Variants in TLK1 observed in about 807,000 individuals in gnomAD.
TLK1 encodes tousled like kinase 1, also known as serine/threonine-protein kinase tousled-like 1.
Under a neutral mutation model 105.3 loss-of-function variants are expected in TLK1, and 24 were observed. The observed-to-expected ratio is 0.23, with a 90% CI of 0.17 to 0.32. TLK1 has a LOEUF of 0.32. Ranked by LOEUF, TLK1 falls within the 10% of genes least tolerant of loss-of-function variation. The pLI is 1.00. For missense variants in TLK1, 558 were observed against 910.5 expected (o/e 0.61, Z 4.98); for synonymous variants, 321 against 310.4 (o/e 1.03, Z -0.36).
At chr2:171,206,103 A>T (rs1344882763) in intron 1 of TLK1, among the ~76,000 whole-genome samples, 3 of 152,232 alleles carry the variant, frequency 2.0e-5, no homozygotes, top group Admixed American at 6.5e-5. Context: ...ACAACTGAAG[A>T]TGGGAAAAAT....
At chr2:171,037,826 C>A (rs904293650) in intron 11 of TLK1, among the ~76,000 whole-genome samples, 3 of 152,104 alleles carry the variant, frequency 2.0e-5, no homozygotes, top group Non-Finnish European at 4.4e-5. Flanking sequence ...CATTCTTGTA[C>A]AATCTTTGTT....
intron 1 of TLK1, among the ~76,000 whole-genome samples, chr2:171,220,233 T>C (rs1346492478): frequency 6.6e-6 from 1 of 152,208 alleles, no homozygotes; most frequent in African/African-American, 2.4e-5. Flanking sequence ...TGCTATCTTT[T>C]AGGGACCATT....
rs1687589262 is a variant in TLK1, at chr2:171,058,165, T to C, written c.439A>G (p.Ser147Gly). 6.2e-7 allele frequency: 1 copy of C among 1,613,468 alleles called. No homozygotes were observed. Among genetic ancestry groups the C allele is most frequent in the African/African-American group, 1.3e-5 (1 of 74,886 alleles). The change falls in exon 5 of 21, where the codon AGC becomes GGC. Residue 147 changes from serine to glycine, a missense_variant. Ser to Gly is a moderately conservative substitution (Grantham distance 56). This residue lies in a region of TLK1 where 196 missense variants were observed against 239.3 expected (regional missense o/e 0.82). Transcript: ENST00000431350. ...KSIGGRGHKI[S>G]DYFEYQGGNG... ...AATGAACTTACTTCAAAATAGTCGC[T>C]AATTTTGTGGCCACGTCCCCCAATA... is the stretch of plus-strand genomic sequence containing the variant.
intron 1 of TLK1, among the ~76,000 whole-genome samples, chr2:171,187,267 G>A (rs908681792): frequency 6.6e-6 from 1 of 151,926 alleles, no homozygotes; most frequent in Non-Finnish European, 1.5e-5. Flanking sequence ...ACTCCTAGGA[G>A]CTTCCTCAAT....
chr2:171,125,702 T>C (rs985832872), intron 1 of TLK1, among the ~76,000 whole-genome samples: 1 of 152,190 alleles, frequency 6.6e-6, no homozygotes, highest in Non-Finnish European at 1.5e-5. Context: ...AATTCAAATT[T>C]CACATGTCAC....
intron 1 of TLK1, among the ~76,000 whole-genome samples, chr2:171,183,144 T>C (rs539535369): frequency 1.3e-5 from 2 of 152,182 alleles, no homozygotes; most frequent in Admixed American, 1.3e-4. Flanking sequence ...ACATTACATA[T>C]ACAAAAAAGA....
upstream of TLK1, among the ~76,000 whole-genome samples, chr2:171,162,027 A>G (rs1437173833): frequency 6.6e-6 from 1 of 152,186 alleles, no homozygotes; most frequent in African/African-American, 2.4e-5. Context: ...TTTTATTTTT[A>G]TGACTTCGCA....
chr2:171,003,273 CAAAAAAAAAAAAAAAAAAAAA>C (rs777049271), intron 18 of TLK1, among the ~76,000 whole-genome samples: 1 of 68,508 alleles, frequency 1.5e-5, no homozygotes, highest in Non-Finnish European at 2.6e-5. Context: ...GACTCCGTCT[CAAAAAAAAAAAAAAAAAAAAA>C]AAAAAAAAAA....
At chr2:171,002,613 G>T (rs890428209) in intron 18 of TLK1, among the ~76,000 whole-genome samples, 9 of 151,898 alleles carry the variant, frequency 5.9e-5, no homozygotes, top group African/African-American at 2.2e-4. Context: ...TGGGTATCAT[G>T]CGCCCAGAAA....
At chr2:171,206,415 G>A (rs1693507990) in intron 1 of TLK1, among the ~76,000 whole-genome samples, 1 of 152,152 alleles carries the variant, frequency 6.6e-6, no homozygotes, top group Non-Finnish European at 1.5e-5. Context: ...GATGAGAGAG[G>A]AGAGGTAGAA....
At chr2:171,100,797 T>C (rs979167690) in intron 2 of TLK1, among the ~76,000 whole-genome samples, 4 of 152,198 alleles carry the variant, frequency 2.6e-5, no homozygotes, top group Admixed American at 6.5e-5. Context: ...AGAGTTAACA[T>C]AGAATCAGTA....
intron 7 of TLK1, chr2:171,054,246 CAA>C (rs909812298): frequency 6.5e-6 from 1 of 153,186 alleles, no homozygotes; most frequent in Non-Finnish European, 1.5e-5. Context: ...ATGGCTAAAT[CAA>C]GTTATTTAAC....
At chr2:171,219,960 A>G (rs1575663553) in intron 1 of TLK1, among the ~76,000 whole-genome samples, 1 of 151,978 alleles carries the variant, frequency 6.6e-6, no homozygotes, top group African/African-American at 2.4e-5. Context: ...CTCATGACCT[A>G]ATTACTTCCC....
rs145656800 is a variant in TLK1 at position 171,038,712 on chromosome 2, A to C, written c.1169+7462T>G. 5.1e-3 allele frequency among the ~76,000 whole-genome samples: 777 copies of C among 152,300 alleles called. 7 individuals are homozygous for C. The highest frequency in any genetic ancestry group is 0.017 in the African/African-American group (723 of 41,566). ...GGGAGAAAGAATACCACTCTTACATAAACTTTCAATCCTGTGAAATTTGCC... is the reference window on the plus strand; with the variant it reads ...GGGAGAAAGAATACCACTCTTACATCAACTTTCAATCCTGTGAAATTTGCC... On this transcript the variant is annotated intron_variant, in intron 11 of 20. Coordinates refer to ENST00000431350, the MANE Select transcript of TLK1 (RefSeq NM_012290.5).
chr2:171,036,328 C>G (rs1686333066), intron 11 of TLK1, among the ~76,000 whole-genome samples: 1 of 152,058 alleles, frequency 6.6e-6, no homozygotes. Flanking sequence ...ACCTGTAAAC[C>G]CCAGCTATTT....
At chr2:171,145,418 T>C (rs1401744282) in intron 1 of TLK1, among the ~76,000 whole-genome samples, 2 of 151,870 alleles carry the variant, frequency 1.3e-5, no homozygotes, top group African/African-American at 2.4e-5. Context: ...GGTGAAACCC[T>C]GTCTCTACTA....
At chr2:171,123,711 T>C (rs1367898707) in intron 1 of TLK1, among the ~76,000 whole-genome samples, 1 of 152,112 alleles carries the variant, frequency 6.6e-6, no homozygotes, top group Non-Finnish European at 1.5e-5. Context: ...CTCAGGAGGC[T>C]GAGGTAGGAG....
In TLK1 at chr2:171,050,927, C is replaced by A. The variant is rs561051526; in HGVS notation, c.733-753G>T. On this transcript the variant is annotated intron_variant, in intron 8 of 20. Coordinates refer to ENST00000431350, the MANE Select transcript of TLK1 (RefSeq NM_012290.5). ...AATAAGTTCTCCAGTAATACTGATG[C>A]TCCTGGTCTGAAGATCACACTTTGA... 1.2e-4 allele frequency among the ~76,000 whole-genome samples: 19 copies of A among 152,326 alleles called. No homozygotes were observed. The South Asian group carries it at 3.7e-3, about 30-fold the overall frequency.
At position 170,994,067 on chromosome 2, in the gene TLK1, T is replaced by C. The variant is rs1683931073; in HGVS notation, c.2125-111A>G. On this transcript the variant is annotated intron_variant, in intron 20 of 20. Coordinates refer to ENST00000431350, the MANE Select transcript of TLK1 (RefSeq NM_012290.5). ...CATTTAAGACATAAGTAGATCTCAT[T>C]TTATTGGAAGTTCAAACCTTAAAAA... is the stretch of plus-strand genomic sequence containing the variant. 1.1e-5 allele frequency: 13 copies of C among 1,204,976 alleles called. No homozygotes were observed. In the East Asian group the frequency reaches 3.7e-4, roughly 35 times the overall value. 74.6% of individuals were successfully genotyped at this position (1,204,976 alleles called of 1,614,324 possible). A position where few individuals can be genotyped will look rare whatever the true frequency, so the allele number is the denominator to read the frequency against.
Sources: allele counts gnomAD v4.1 joint callset (sites outside exome capture counted in the v4.1 genomes callset), GRCh38; gene constraint gnomAD v4.1.1; regional missense constraint gnomAD v4.1.1; transcripts MANE v1.5; gene names NCBI Gene and HGNC (gene_info 2026-07-23, HGNC 2026-07-21).